Variants in CORO2A observed in about 807,000 individuals in gnomAD.
CORO2A encodes coronin-2A.
Under a neutral mutation model 62.4 loss-of-function variants are expected in CORO2A, and 47 were observed. That is an observed-to-expected ratio of 0.75 (90% CI 0.60 to 0.96). CORO2A has a LOEUF of 0.96. Among genes scored for constraint, CORO2A ranks in the 40% least tolerant of loss-of-function variants. The pLI, the probability that CORO2A is intolerant of heterozygous loss-of-function variation, is 0.00. For synonymous variants in CORO2A, 273 were observed against 268.9 expected (o/e 1.02, Z -0.15); for missense variants, 610 against 684.1 (o/e 0.89, Z 1.21).
At chr9:98,187,282 CAAAAAAAA>C (rs60290184) in intron 1 of CORO2A, among the ~76,000 whole-genome samples, 2,592 of 66,486 alleles carry the variant, frequency 0.039, 86 homozygotes, top group African/African-American at 0.094. Context: ...GACTCCATCT[CAAAAAAAA>C]AAAAAAAAAA....
At chr9:98,177,142 TTAGGC>T (rs1828118605) in intron 1 of CORO2A, among the ~76,000 whole-genome samples, 1 of 152,052 alleles carries the variant, frequency 6.6e-6, no homozygotes, top group South Asian at 2.1e-4. Context: ...AGAGAGTGCT[TTAGGC>T]TGGGAATGAT....
At chr9:98,184,420 A>G (rs898886844) in intron 1 of CORO2A, among the ~76,000 whole-genome samples, 1 of 152,126 alleles carries the variant, frequency 6.6e-6, no homozygotes, top group African/African-American at 2.4e-5. Flanking sequence ...CTGTCTGAAT[A>G]TTTTGCTATG....
chr9:98,127,440 G>A (rs1827340554), intron 10 of CORO2A, among the ~76,000 whole-genome samples: 1 of 152,170 alleles, frequency 6.6e-6, no homozygotes, highest in South Asian at 2.1e-4. Flanking sequence ...GCAGGAGCGG[G>A]AGAGTGGCTC....
rs2231670 is a variant in CORO2A, at chr9:98,126,835, G to A, written c.1172-12C>T. ...CACCAGGATTGGGTCTGGAAGGGAA[G>A]CAGAGCCATGTGAGGACGGGGTGCC... On this transcript the variant is annotated splice_polypyrimidine_tract_variant and intron_variant, in intron 10 of 11. Coordinates refer to ENST00000375077, the MANE Select transcript of CORO2A (RefSeq NM_052820.4). 4.3e-3 allele frequency: 7,015 copies of A among 1,614,072 alleles called. 222 individuals are homozygous for A. The African/African-American group carries it at 0.077, about 18-fold the overall frequency.
At chr9:98,145,291 T>G (rs1277939531) in intron 2 of CORO2A, among the ~76,000 whole-genome samples, 1 of 152,192 alleles carries the variant, frequency 6.6e-6, no homozygotes, top group Non-Finnish European at 1.5e-5. Context: ...CAGTGTGGCC[T>G]CCAGGTGGCC....
intron 1 of CORO2A, among the ~76,000 whole-genome samples, chr9:98,166,332 G>C (rs1353591587): frequency 2.0e-5 from 3 of 152,050 alleles, no homozygotes; most frequent in African/African-American, 7.3e-5. Context: ...ATGATACCAG[G>C]AACAGGCAAC....
In CORO2A at chr9:98,157,469, G is replaced by A; in HGVS notation, c.192C>T (p.Pro64=). 5 of 1,614,154 alleles carry A rather than the reference G, an allele frequency of 3.1e-6. No individual in the cohort carries two copies. The highest frequency in any genetic ancestry group is 4.2e-6 in the Non-Finnish European group (5 of 1,180,014). ...CAGGGAFLVI[P]LHQTGKLDPH... ...CTGGGGGTGTCCTTACCTGGTGCAG[G>A]GGGATGACGAGGAAGGCCCCTCCAC... is the stretch of plus-strand genomic sequence containing the variant. Residue 64 remains proline, a synonymous_variant, in exon 2 of 12, where the codon CCC becomes CCT. Coordinates refer to ENST00000375077, the MANE Select transcript of CORO2A (RefSeq NM_052820.4).
At chr9:98,189,833 T>C (rs1232430135) in intron 1 of CORO2A, among the ~76,000 whole-genome samples, 1 of 152,236 alleles carries the variant, frequency 6.6e-6, no homozygotes, top group Non-Finnish European at 1.5e-5. Flanking sequence ...AAATGAAATG[T>C]TTATTAAGCC....
In CORO2A at chr9:98,138,286, G is replaced by A. The variant is rs541060907; in HGVS notation, c.202-598C>T. 2.6e-5 allele frequency among the ~76,000 whole-genome samples: 4 copies of A among 152,068 alleles called. No homozygotes were observed. The East Asian group carries it at 7.8e-4, about 29-fold the overall frequency. On this transcript the variant is annotated intron_variant, in intron 2 of 11. Transcript: ENST00000375077. ...AAAAATTAGCCGGGCGTGGTAGCAT[G>A]CACCTGTAATCCCAGCTACTCAGGA... is the stretch of plus-strand genomic sequence containing the variant.
rs12344078 is a variant in CORO2A, at chr9:98,151,081, C to A, written c.201+6379G>T. Among the ~76,000 whole-genome samples, 1,278 of 152,294 alleles carry A rather than the reference C, an allele frequency of 8.4e-3. 23 individuals are homozygous for A. The highest frequency in any genetic ancestry group is 0.029 in the African/African-American group (1,219 of 41,540). The stretch of plus-strand genomic sequence containing the variant: ...TCCATGCCTTTGCTTGTGCCCTTCC[C>A]TTTGCCATTTATACCCTCCCTATTT... On this transcript the variant is annotated intron_variant, in intron 2 of 11. Coordinates refer to ENST00000375077, the MANE Select transcript of CORO2A (RefSeq NM_052820.4).
intron 2 of CORO2A, among the ~76,000 whole-genome samples, chr9:98,154,329 G>GTATATATATATATATA (rs61422672): frequency 5.6e-5 from 5 of 88,958 alleles, no homozygotes; most frequent in African/African-American, 2.7e-4. Flanking sequence ...GTGTTTGTGT[G>GTATATATATATATATA]TATATATATA....
At chr9:98,136,087 A>G (rs1479484640) in intron 3 of CORO2A, among the ~76,000 whole-genome samples, 4 of 152,142 alleles carry the variant, frequency 2.6e-5, no homozygotes, top group African/African-American at 7.2e-5. Context: ...CAGTCCCCCA[A>G]CAGTCACGTC....
intron 1 of CORO2A, among the ~76,000 whole-genome samples, chr9:98,177,521 C>T (rs1334797927): frequency 7.4e-6 from 1 of 134,686 alleles, no homozygotes; most frequent in African/African-American, 3.0e-5. Flanking sequence ...GGCTGGAGTG[C>T]AGTGGCACAA....
intron 6 of CORO2A, among the ~76,000 whole-genome samples, chr9:98,131,777 G>A (rs1395162547): frequency 2.0e-5 from 3 of 152,136 alleles, no homozygotes; most frequent in Admixed American, 6.5e-5. Flanking sequence ...ACTACCGCCA[G>A]CTTGGCCCTC....
chr9:98,154,362 CAT>C (rs71308247), intron 2 of CORO2A, among the ~76,000 whole-genome samples: 10,610 of 87,832 alleles, frequency 0.12, 1,290 homozygotes, highest in African/African-American at 0.38. Context: ...TACACAAATA[CAT>C]ATATATATAT....
intron 5 of CORO2A, among the ~76,000 whole-genome samples, chr9:98,132,829 T>C (rs1827427736): frequency 6.6e-6 from 1 of 152,224 alleles, no homozygotes; most frequent in African/African-American, 2.4e-5. Context: ...AGTCATTTCA[T>C]CTCTCACGGG....
chr9:98,137,459 T>A, intron 3 of CORO2A, 113 bp downstream of exon 3: 1 of 840,562 alleles, frequency 1.2e-6, no homozygotes, highest in South Asian at 1.4e-5. Context: ...CACAGTGACC[T>A]CACCTCCGCG....
chr9:98,137,720 G>A, intron 2 of CORO2A, 32 bp from the exon 3 acceptor site: 1 of 1,530,158 alleles, frequency 6.5e-7, no homozygotes, highest in Non-Finnish European at 9.1e-7. Flanking sequence ...GGTTGGGGAG[G>A]AGGTGGATTC....
chr9:98,134,756 T>C (rs1827460364), intron 4 of CORO2A, 50 bp downstream of exon 4: 1 of 1,537,300 alleles, frequency 6.5e-7, no homozygotes, highest in African/African-American at 1.4e-5. Context: ...TGTATTCCAG[T>C]TTGTGGGAAC....
Sources: gnomAD v4.1 joint callset for allele counts (sites outside exome capture counted in the v4.1 genomes callset) on GRCh38, gnomAD v4.1.1 for gene constraint, MANE v1.5 for transcripts, NCBI Gene and HGNC (gene_info 2026-07-23, HGNC 2026-07-21) for gene names.